CTSZ: variants seen among roughly 807,000 people sequenced by gnomAD.
The protein encoded by CTSZ is cathepsin Z.
In CTSZ, 39 loss-of-function variants were observed where a neutral mutation model predicts 32.4. The ratio of observed to expected loss-of-function variants is 1.20; its 90% CI spans 0.93 to 1.57. The LOEUF (loss-of-function observed/expected upper bound fraction) is 1.57. Ranked by LOEUF, CTSZ falls within the 40% of genes most tolerant of loss-of-function variation. The pLI is 0.00. For synonymous variants in CTSZ, 168 were observed against 170.1 expected, an observed-to-expected ratio of 0.99 and a Z score of 0.10; for missense variants, 397 against 419.6, an observed-to-expected ratio of 0.95 and a Z score of 0.47.
rs1251360263 is a variant in CTSZ, at chr20:58,995,594, C to T, written c.*55G>A. 3 of 1,529,170 alleles carry T rather than the reference C, an allele frequency of 2.0e-6. No homozygotes were observed. The highest frequency in any genetic ancestry group is 1.7e-5 in the Admixed American group (1 of 59,600). The allele number at this position is 1,529,170 out of a possible 1,614,324, so 94.7% of individuals were successfully genotyped here. The stretch of plus-strand genomic sequence containing the variant: ...CTGGCACACATAACCATAGGATCCC[C>T]TCTGGTCATGGGTCACCATGCCTTT... On this transcript the variant is annotated 3_prime_UTR_variant, in exon 6 of 6. Coordinates refer to ENST00000217131, the MANE Select transcript of CTSZ (RefSeq NM_001336.4).
At chr20:58,998,542 G>A (rs1302848387) in intron 3 of CTSZ, among the ~76,000 whole-genome samples, 9 of 51,478 alleles carry the variant, frequency 1.7e-4, no homozygotes, top group African/African-American at 6.9e-4. Flanking sequence ...GCGAGACTCC[G>A]TCTCAAAAAA....
chr20:58,999,408 A>G (rs163787), intron 3 of CTSZ, among the ~76,000 whole-genome samples: 125,177 of 152,106 alleles, frequency 0.82, 51,703 homozygotes, highest in East Asian at 0.87. Flanking sequence ...GCCTGGCCTC[A>G]GCTGGGCGAG....
intron 2 of CTSZ, among the ~76,000 whole-genome samples, chr20:59,005,052 C>A (rs2091903823): frequency 6.6e-6 from 1 of 152,162 alleles, no homozygotes; most frequent in Admixed American, 6.5e-5. Flanking sequence ...GGCTCTTTCA[C>A]TTCCTCAGCG....
At position 59,001,653 on chromosome 20, in the gene CTSZ, G is replaced by T; in HGVS notation, c.308-9C>A. The T allele has an allele frequency of 6.2e-7, 1 of 1,610,822 alleles. No individual in the cohort carries two copies. The highest frequency in any genetic ancestry group is 1.1e-5 in the South Asian group (1 of 90,872). Reference sequence around the variant, plus strand: ...CTTGATGTTGATCCGATCTGCAACAGTCAGCACCTGCCAGTCAGCACTCAC... The same window carrying T: ...CTTGATGTTGATCCGATCTGCAACATTCAGCACCTGCCAGTCAGCACTCAC... On this transcript the variant is annotated splice_polypyrimidine_tract_variant and intron_variant, in intron 2 of 5. Coordinates refer to ENST00000217131, the MANE Select transcript of CTSZ (RefSeq NM_001336.4).
Position 58,995,697 on chromosome 20 carries a change from G to C in CTSZ, c.864C>G (p.Tyr288Ter). The change falls in exon 6 of 6, where the codon TAC becomes TAG. Residue 288 changes from tyrosine (Y) to a stop codon, truncating the protein, a stop_gained. Transcript: ENST00000217131. LOFTEE classifies it high-confidence loss of function. ...STYKDGKGAR[Y>*]NLAIEEHCTF... ...TACAGTGCTCCTCGATGGCAAGGTT[G>C]TATCTGGCGCCCTTCCCATCCTTAT... 7.4e-6 allele frequency: 12 copies of C among 1,614,174 alleles called. No individual in the cohort carries two copies. Among genetic ancestry groups the C allele is most frequent in the Non-Finnish European group, 1.0e-5 (12 of 1,180,024 alleles).
chr20:58,999,429 C>A (rs932441479), intron 3 of CTSZ, among the ~76,000 whole-genome samples: 3 of 152,178 alleles, frequency 2.0e-5, no homozygotes, highest in South Asian at 2.1e-4. Context: ...AGCACTTTGG[C>A]GTGGAGTGGG....
intron 2 of CTSZ, 25 bp downstream of exon 2, chr20:59,006,297 C>T (rs1568684456): frequency 1.3e-6 from 2 of 1,575,658 alleles, no homozygotes; most frequent in Admixed American, 1.8e-5. Context: ...CTTTCCTGGC[C>T]CACAGTCAAA....
At chr20:59,006,905 G>T in intron 1 of CTSZ, 81 bp downstream of exon 1, 1 of 1,210,426 alleles carries the variant, frequency 8.3e-7, no homozygotes, top group Non-Finnish European at 1.1e-6. Flanking sequence ...GCGACGCAGG[G>T]CCCCCAGGAG....
chr20:59,006,867 G>A (rs1253986564), intron 1 of CTSZ, 119 bp downstream of exon 1: 59 of 893,308 alleles, frequency 6.6e-5, no homozygotes, highest in Non-Finnish European at 8.2e-5. Flanking sequence ...AAACGAAGCG[G>A]CTGGATCTGA....
Position 59,006,424 on chromosome 20 carries a change from G to C in CTSZ, c.205C>G (p.Arg69Gly). 6.2e-7 allele frequency: 1 copy of C among 1,614,006 alleles called. No individual in the cohort carries two copies. The highest frequency in any genetic ancestry group is 1.7e-5 in the Admixed American group (1 of 60,030). ...GCATAGTTGACACCATCCACATTGC[G>C]CCAGTCCCAGCTCTTGGGCAGATCC... Reference protein sequence around the residue: ...PADLPKSWDWRNVDGVNYASI... With the variant: ...PADLPKSWDWGNVDGVNYASI... Residue 69 changes from arginine (R) to glycine (G), a missense_variant, in exon 2 of 6, where the codon CGC (arginine) becomes GGC (glycine). Coordinates refer to ENST00000217131, the MANE Select transcript of CTSZ (RefSeq NM_001336.4).
At position 59,002,083 on chromosome 20, in the gene CTSZ, G is replaced by T. The variant is rs1009322492; in HGVS notation, c.308-439C>A. Among the ~76,000 whole-genome samples the T allele has an allele frequency of 6.6e-6, 1 of 152,252 alleles. No homozygotes were observed. Among genetic ancestry groups the T allele is most frequent in the African/African-American group, 2.4e-5 (1 of 41,476 alleles). ...GACAGGGGGCCAAGGTGTCAGCTCT[G>T]TGAACGAGTATAGCCCAGGGAGCCG... On this transcript the variant is annotated intron_variant, in intron 2 of 5. Transcript: ENST00000217131. The surrounding 1 kb of genome is among the most constrained non-coding windows in gnomAD (Gnocchi z 4.1).
At chr20:59,006,950 C>T in intron 1 of CTSZ, 36 bp downstream of exon 1, 1 of 1,377,112 alleles carries the variant, frequency 7.3e-7, no homozygotes, top group Non-Finnish European at 9.3e-7. Flanking sequence ...GATGGGCCTC[C>T]CGTCCCCCCA....
chr20:58,997,885 G>A, intron 3 of CTSZ, 132 bp from the exon 4 acceptor site: 5 of 715,606 alleles, frequency 7.0e-6, no homozygotes, highest in Non-Finnish European at 1.1e-5. Context: ...AAATCATCTT[G>A]CTATTAGGTG....
chr20:58,997,752 C>T lies in CTSZ; in HGVS notation c.489G>A (p.Glu163=). ...TCNNYQAKDQ[E]CDKFNQCGTC... ...TCCCACATTGGTTAAACTTGTCACA[C>T]TCTGGGGGAGAGCAAGAAAAGTCAG... The change falls in exon 4 of 6, where the codon GAG becomes GAA. Residue 163 remains glutamate, a splice_region_variant and synonymous_variant. Coordinates refer to ENST00000217131, the MANE Select transcript of CTSZ (RefSeq NM_001336.4). The T allele has an allele frequency of 6.3e-7, 1 of 1,595,632 alleles. No individual in the cohort carries two copies. Among genetic ancestry groups the T allele is most frequent in the Non-Finnish European group, 8.5e-7 (1 of 1,171,492 alleles).
intron 3 of CTSZ, 55 bp from the exon 4 acceptor site, chr20:58,997,808 CAA>C (rs2091868973): frequency 3.3e-6 from 5 of 1,494,306 alleles, no homozygotes; most frequent in Admixed American, 2.1e-5. Context: ...AACCCACTGA[CAA>C]AGAAGCCCGC....
chr20:59,007,107 A>C lies in CTSZ; in HGVS notation c.22T>G (p.Trp8Gly), dbSNP rs1229776937. 1.4e-6 allele frequency: 2 copies of C among 1,410,702 alleles called. No individual in the cohort carries two copies. Among genetic ancestry groups the C allele is most frequent in the African/African-American group, 3.0e-5 (2 of 66,276 alleles). 87.4% of individuals were successfully genotyped at this position (1,410,702 alleles called of 1,614,324 possible). ...AGCACGAGCAGCAGAAGCGGCCGCCACCCTGGCCCGCGCCTCGCCATGGCC... is the reference window on the plus strand; with the variant it reads ...AGCACGAGCAGCAGAAGCGGCCGCCCCCCTGGCCCGCGCCTCGCCATGGCC... MARRGPG[W>G]RPLLLLVLLA... Residue 8 changes from tryptophan (W) to glycine (G), a missense_variant, in exon 1 of 6, where the codon TGG becomes GGG. Transcript: ENST00000217131.
intron 2 of CTSZ, among the ~76,000 whole-genome samples, chr20:59,003,439 C>T (rs1335453609): frequency 6.6e-6 from 1 of 152,204 alleles, no homozygotes; most frequent in African/African-American, 2.4e-5. Flanking sequence ...CACAAGTGTC[C>T]TGAATACGTT....
intron 5 of CTSZ, 100 bp downstream of exon 5, chr20:58,996,539 G>T (rs2091861277): frequency 7.7e-7 from 1 of 1,298,780 alleles, no homozygotes; most frequent in Non-Finnish European, 1.1e-6. Context: ...CTCTGTCAAG[G>T]CCCCAGTTTT....
At chr20:58,995,888 ACTCAGCTGCCC>A (rs1274704299) in intron 5 of CTSZ, 129 bp from the exon 6 acceptor site, 45 of 698,378 alleles carry the variant, frequency 6.4e-5, no homozygotes, top group Non-Finnish European at 7.6e-5. Context: ...CAGACAGCCC[ACTCAGCTGCCC>A]CTCAGCTTTC....
Sources: gnomAD v4.1 joint callset for allele counts (sites outside exome capture counted in the v4.1 genomes callset) on GRCh38, gnomAD v4.1.1 for gene constraint, Gnocchi (gnomAD v3.1) non-coding constraint, MANE v1.5 for transcripts, NCBI Gene and HGNC (gene_info 2026-07-23, HGNC 2026-07-21) for gene names.